GNPAT: variants seen among roughly 807,000 people sequenced by gnomAD.
The protein encoded by GNPAT is dihydroxyacetone phosphate acyltransferase.
GNPAT carries 30 observed loss-of-function variants against 78.4 expected under a neutral mutation model. The observed-to-expected ratio is 0.38, with a 90% CI of 0.29 to 0.52. The LOEUF (loss-of-function observed/expected upper bound fraction) is 0.52, where lower values mean the gene tolerates loss of function less well. Ranked by LOEUF, GNPAT falls within the 20% of genes least tolerant of loss-of-function variation. The pLI is 0.84. For missense variants in GNPAT, 714 were observed against 812.2 expected (o/e 0.88, Z 1.47); for synonymous variants, 271 against 281.1 (o/e 0.96, Z 0.36).
chr1:231,265,590 C>A, intron 5 of GNPAT, 122 bp from the exon 6 acceptor site: 2 of 880,630 alleles, frequency 2.3e-6, no homozygotes, highest in Non-Finnish European at 3.8e-6. Context: ...GTTTAATTTT[C>A]ACTGTAAGCT....
chr1:231,254,820 C>G (rs939499521), intron 2 of GNPAT, among the ~76,000 whole-genome samples: 1 of 151,398 alleles, frequency 6.6e-6, no homozygotes, highest in African/African-American at 2.4e-5. Flanking sequence ...TGCACAATCT[C>G]GGTTCACTGC....
At chr1:231,269,933 A>C (rs145594001) in intron 9 of GNPAT, 1 of 152,156 alleles carries the variant, frequency 6.6e-6, no homozygotes, top group Non-Finnish European at 1.5e-5. Flanking sequence ...ATATTATTCA[A>C]TTGAGCAAGC....
intron 4 of GNPAT, among the ~76,000 whole-genome samples, chr1:231,263,640 A>AT (rs1010644999): frequency 6.6e-6 from 1 of 151,688 alleles, no homozygotes; most frequent in Non-Finnish European, 1.5e-5. Flanking sequence ...TCTTGTGGTA[A>AT]TTTTTTTTCA....
chr1:231,245,535 C>T (rs1684723309), intron 1 of GNPAT, among the ~76,000 whole-genome samples: 1 of 152,138 alleles, frequency 6.6e-6, no homozygotes, highest in Non-Finnish European at 1.5e-5. Flanking sequence ...ACAGAGTGAG[C>T]CACCATGCCC....
At chr1:231,276,802 T>C (rs912148302) in intron 15 of GNPAT, among the ~76,000 whole-genome samples, 3 of 152,198 alleles carry the variant, frequency 2.0e-5, no homozygotes, top group Non-Finnish European at 4.4e-5. Context: ...CTAGCAATGA[T>C]GCGGCCATTT....
chr1:231,273,919 T>C lies in GNPAT; in HGVS notation c.1603-3T>C. 1.2e-6 allele frequency: 2 copies of C among 1,612,478 alleles called. No individual in the cohort carries two copies. Among genetic ancestry groups the C allele is most frequent in the African/African-American group, 1.3e-5 (1 of 75,032 alleles). On this transcript the variant is annotated splice_polypyrimidine_tract_variant and splice_region_variant and intron_variant, in intron 11 of 15. Transcript: ENST00000366647. ...AACATTATGGCTTCCTCTTCCCTTC[T>C]AGGACTTTGAAGAAGGCTGTTACCT... is the stretch of plus-strand genomic sequence containing the variant.
chr1:231,248,657 G>T (rs993515279), intron 1 of GNPAT, among the ~76,000 whole-genome samples: 1 of 151,944 alleles, frequency 6.6e-6, no homozygotes, highest in Non-Finnish European at 1.5e-5. Flanking sequence ...CTATATATAC[G>T]TATAAACACA....
intron 4 of GNPAT, among the ~76,000 whole-genome samples, chr1:231,263,490 C>G (rs1685281819): frequency 6.6e-6 from 1 of 152,220 alleles, no homozygotes; most frequent in African/African-American, 2.4e-5. Context: ...TTTCACTTAA[C>G]AGAATGCCCT....
chr1:231,255,898 G>A (rs1383881781), intron 2 of GNPAT, among the ~76,000 whole-genome samples: 3 of 152,108 alleles, frequency 2.0e-5, no homozygotes, highest in African/African-American at 4.8e-5. Context: ...TGTAATAGTC[G>A]TTGGCTCTTG....
chr1:231,257,736 G>A (rs979610373), intron 2 of GNPAT, among the ~76,000 whole-genome samples: 1 of 152,162 alleles, frequency 6.6e-6, no homozygotes, highest in African/African-American at 2.4e-5. Flanking sequence ...AGCTCTAGCT[G>A]TTCCTAGATT....
At chr1:231,251,455 A>G (rs762408867) in intron 2 of GNPAT, among the ~76,000 whole-genome samples, 1 of 152,122 alleles carries the variant, frequency 6.6e-6, no homozygotes, top group African/African-American at 2.4e-5. Context: ...TGGTGTAGAG[A>G]GTCAAGGAAG....
At chr1:231,250,219 C>T (rs1019150234) in intron 1 of GNPAT, among the ~76,000 whole-genome samples, 1 of 151,958 alleles carries the variant, frequency 6.6e-6, no homozygotes, top group Non-Finnish European at 1.5e-5. Flanking sequence ...TCCCAAAGTG[C>T]TGGAATTACA....
At chr1:231,262,352 C>A (rs1317720102) in intron 3 of GNPAT, among the ~76,000 whole-genome samples, 1 of 152,180 alleles carries the variant, frequency 6.6e-6, no homozygotes, top group Non-Finnish European at 1.5e-5. Context: ...GGATGCATGA[C>A]CATTTTACAA....
Position 231,251,150 on chromosome 1 carries a change from G to C in GNPAT, c.261+7G>C. The stretch of plus-strand genomic sequence containing the variant: ...TCATTATGTCATTAAACAGGTAAGT[G>C]ATTCCCTCTTCAACCATGGCCAGAT... On this transcript the variant is annotated splice_region_variant and intron_variant, in intron 2 of 15. Transcript: ENST00000366647. 6.6e-7 allele frequency: 1 copy of C among 1,522,556 alleles called. No individual in the cohort carries two copies. The allele number at this position is 1,522,556 out of a possible 1,614,324, so 94.3% of individuals were successfully genotyped here.
At chr1:231,264,604 G>A (rs1263209191) in intron 4 of GNPAT, among the ~76,000 whole-genome samples, 1 of 152,224 alleles carries the variant, frequency 6.6e-6, no homozygotes, top group Non-Finnish European at 1.5e-5. Flanking sequence ...AACTTGTGAG[G>A]AAGTTATTTG....
chr1:231,261,880 T>A (rs1685232326), intron 3 of GNPAT, among the ~76,000 whole-genome samples: 1 of 152,234 alleles, frequency 6.6e-6, no homozygotes, highest in Non-Finnish European at 1.5e-5. Context: ...AGTCATTTAC[T>A]TTCCTGTCAA....
rs1255379791 is a variant in GNPAT at position 231,260,607 on chromosome 1, T to G, written c.362T>G (p.Phe121Cys). ...SHKLRLGAIR[F>C]CAFTLSKVFK... The stretch of plus-strand genomic sequence containing the variant: ...AAACTGCGTCTTGGAGCCATTCGGT[T>G]TTGTGCCTTCACCCTGAGCAAAGTA... The change falls in exon 3 of 16, where the codon TTT (phenylalanine) becomes TGT (cysteine). Residue 121 changes from phenylalanine (F) to cysteine (C), a missense_variant. Transcript: ENST00000366647. The G allele has an allele frequency of 2.5e-6, 4 of 1,613,492 alleles. No homozygotes were observed. Among genetic ancestry groups the G allele is most frequent in the Non-Finnish European group, 3.4e-6 (4 of 1,179,492 alleles).
At chr1:231,276,994 T>C (rs570212565) in intron 15 of GNPAT, among the ~76,000 whole-genome samples, 18 of 152,170 alleles carry the variant, frequency 1.2e-4, no homozygotes, top group African/African-American at 4.1e-4. Context: ...AAGACCAGAA[T>C]GGGGCATACG....
intron 11 of GNPAT, among the ~76,000 whole-genome samples, chr1:231,273,619 T>C (rs2102826418): frequency 6.6e-6 from 1 of 152,296 alleles, no homozygotes; most frequent in East Asian, 1.9e-4. Flanking sequence ...CCTATTTAAA[T>C]TAAGGAGTGG....
Sources: allele counts gnomAD v4.1 joint callset (sites outside exome capture counted in the v4.1 genomes callset), GRCh38; gene constraint gnomAD v4.1.1; transcripts MANE v1.5; gene names NCBI Gene and HGNC (gene_info 2026-07-23, HGNC 2026-07-21).